SLCO1B1: variants seen among roughly 807,000 people sequenced by gnomAD.
The protein encoded by SLCO1B1 is solute carrier organic anion transporter family member 1B1, also known as OATP-2.
In SLCO1B1, 81 loss-of-function variants were observed where a neutral mutation model predicts 70.1. The ratio of observed to expected loss-of-function variants is 1.16; its 90% confidence interval spans 0.97 to 1.39. The LOEUF (loss-of-function observed/expected upper bound fraction) is 1.39, where lower values mean the gene tolerates loss of function less well. Among genes scored for constraint, SLCO1B1 ranks in the 40% most tolerant of loss-of-function variants. SLCO1B1 has a pLI of 0.00. For synonymous variants in SLCO1B1, 283 were observed against 271.5 expected, an observed-to-expected ratio of 1.04 and a Z score of -0.42; for missense variants, 895 against 799.6, an observed-to-expected ratio of 1.12 and a Z score of -1.44.
intron 8 of SLCO1B1, 128 bp downstream of exon 8, chr12:21,197,316 T>A (rs1941105799): frequency 7.5e-6 from 7 of 931,198 alleles, no homozygotes; most frequent in Non-Finnish European, 1.1e-5. Context: ...TAAATTTAGA[T>A]AAATTATTTT....
At chr12:21,145,359 G>C (rs1940366379) in intron 2 of SLCO1B1, among the ~76,000 whole-genome samples, 1 of 151,860 alleles carries the variant, frequency 6.6e-6, no homozygotes, top group African/African-American at 2.4e-5. Context: ...AGGCTGGAGT[G>C]CAGTGGCATA....
chr12:21,172,529 T>G, intron 2 of SLCO1B1, 121 bp from the exon 3 acceptor site: 3 of 1,158,808 alleles, frequency 2.6e-6, no homozygotes, highest in Non-Finnish European at 3.8e-6. Context: ...CTAAGTATGG[T>G]TTTTAAGATA....
At position 21,224,718 on chromosome 12, in the gene SLCO1B1, A is replaced by G; in HGVS notation, c.1748-4A>G. 6.5e-7 allele frequency: 1 copy of G among 1,540,602 alleles called. No individual in the cohort carries two copies. On this transcript the variant is annotated splice_polypyrimidine_tract_variant and splice_region_variant and intron_variant, in intron 13 of 14. Transcript: ENST00000256958. ...AACTGACATCTTCTCTTCTCCTATT[A>G]CAGGAGGAATTCTAGCTCCAATATA...
At chr12:21,154,057 C>A (rs1407403283) in intron 2 of SLCO1B1, among the ~76,000 whole-genome samples, 2 of 151,202 alleles carry the variant, frequency 1.3e-5, no homozygotes, top group Admixed American at 6.6e-5. Flanking sequence ...GTTAGACTTG[C>A]TTTTACTATC....
chr12:21,159,799 A>G (rs1762741217), intron 2 of SLCO1B1, among the ~76,000 whole-genome samples: 3 of 152,154 alleles, frequency 2.0e-5, no homozygotes, highest in African/African-American at 7.2e-5. Context: ...ATCAATGTAC[A>G]AAAATCAGTA....
intron 14 of SLCO1B1, among the ~76,000 whole-genome samples, chr12:21,226,444 A>C (rs1423029258): frequency 1.3e-5 from 2 of 152,028 alleles, no homozygotes; most frequent in Non-Finnish European, 2.9e-5. Flanking sequence ...CATTAAAAAA[A>C]ATTAAAGAAG....
rs1403323095 is a variant in SLCO1B1, at chr12:21,210,495, A to G, written c.1497+4462A>G. Among the ~76,000 whole-genome samples, 4 of 77,878 alleles carry G rather than the reference A, an allele frequency of 5.1e-5. 1 individual carries two copies. The highest frequency in any genetic ancestry group is 7.3e-5 in the Non-Finnish European group (3 of 41,016). 51.1% of individuals were successfully genotyped at this position (77,878 alleles called of 152,430 possible). A position where few individuals can be genotyped will look rare whatever the true frequency, so the allele number is the denominator to read the frequency against. On this transcript the variant is annotated intron_variant, in intron 11 of 14. Transcript: ENST00000256958. The stretch of plus-strand genomic sequence containing the variant: ...GTATAGTTTGAAGTCAGGTAGTGTG[A>G]TGATGCCTCCAGCTTTGTTCTTTTG...
intron 11 of SLCO1B1, among the ~76,000 whole-genome samples, chr12:21,209,207 C>A (rs528419705): frequency 6.6e-5 from 10 of 151,812 alleles, no homozygotes; most frequent in East Asian, 5.8e-4. Context: ...ATCCCTCCCC[C>A]CTCCTCCCAC....
At position 21,152,704 on chromosome 12, in the gene SLCO1B1, G is replaced by T. The variant is rs143430404; in HGVS notation, c.84+11046G>T. 7.3e-5 allele frequency among the ~76,000 whole-genome samples: 11 copies of T among 151,496 alleles called. No individual in the cohort carries two copies. The South Asian group carries it at 2.3e-3, about 32-fold the overall frequency. On this transcript the variant is annotated intron_variant, in intron 2 of 14. Coordinates refer to ENST00000256958, the MANE Select transcript of SLCO1B1 (RefSeq NM_006446.5). ...GGAGCTGGGTATTTCCTTTCCCTTC[G>T]GTCAGTTAGGCTCTAATAACACACC...
chr12:21,142,187 A>C (rs1337840591), intron 2 of SLCO1B1, among the ~76,000 whole-genome samples: 2 of 151,860 alleles, frequency 1.3e-5, no homozygotes, highest in African/African-American at 4.8e-5. Flanking sequence ...CGATTTAGAA[A>C]AGCCATTTAA....
At chr12:21,152,870 A>G (rs1051897438) in intron 2 of SLCO1B1, among the ~76,000 whole-genome samples, 1 of 152,074 alleles carries the variant, frequency 6.6e-6, no homozygotes, top group Non-Finnish European at 1.5e-5. Context: ...TTTCTCCAAC[A>G]TTTACTATAA....
chr12:21,231,374 T>G (rs1941535334), intron 14 of SLCO1B1, among the ~76,000 whole-genome samples: 1 of 151,956 alleles, frequency 6.6e-6, no homozygotes, highest in Non-Finnish European at 1.5e-5. Flanking sequence ...AAATATGGAT[T>G]CATTTTTAGA....
At chr12:21,213,346 A>T (rs1025876327) in intron 11 of SLCO1B1, among the ~76,000 whole-genome samples, 5 of 151,828 alleles carry the variant, frequency 3.3e-5, no homozygotes, top group African/African-American at 7.3e-5. Flanking sequence ...CTGGATATGA[A>T]ATTCTGGGTT....
At chr12:21,135,890 G>A (rs12371160) in intron 1 of SLCO1B1, among the ~76,000 whole-genome samples, 19,762 of 152,142 alleles carry the variant, frequency 0.13, 1,763 homozygotes, top group Middle Eastern at 0.23. Flanking sequence ...ATGTTAGCTG[G>A]TTATTTTGCT....
intron 12 of SLCO1B1, among the ~76,000 whole-genome samples, chr12:21,219,813 T>G (rs191320772): frequency 6.7e-6 from 1 of 148,164 alleles, no homozygotes; most frequent in East Asian, 2.1e-4. Context: ...CAGGCTGGAG[T>G]GCAGTAGCAC....
At chr12:21,151,019 T>C (rs1354960675) in intron 2 of SLCO1B1, among the ~76,000 whole-genome samples, 2 of 152,216 alleles carry the variant, frequency 1.3e-5, no homozygotes, top group Admixed American at 6.5e-5. Flanking sequence ...AATTTTGTCA[T>C]TGTGCAAACA....
intron 1 of SLCO1B1, among the ~76,000 whole-genome samples, chr12:21,136,841 A>G (rs1453919134): frequency 6.6e-6 from 1 of 152,182 alleles, no homozygotes; most frequent in Non-Finnish European, 1.5e-5. Context: ...TGTCAAAGTC[A>G]TTCTCCATCC....
chr12:21,221,000 T>C (rs113403679), intron 12 of SLCO1B1, among the ~76,000 whole-genome samples: 1 of 152,088 alleles, frequency 6.6e-6, no homozygotes, highest in African/African-American at 2.4e-5. Context: ...ATAAATGTGA[T>C]TTGCCACATA....
At chr12:21,198,466 T>C (rs144271578) in intron 8 of SLCO1B1, among the ~76,000 whole-genome samples, 6 of 152,214 alleles carry the variant, frequency 3.9e-5, no homozygotes, top group African/African-American at 1.2e-4. Flanking sequence ...TAGTAGATTG[T>C]CTAAACCTAT....
Sources: allele counts gnomAD v4.1 joint callset (sites outside exome capture counted in the v4.1 genomes callset), GRCh38; gene constraint gnomAD v4.1.1; transcripts MANE v1.5; gene names NCBI Gene and HGNC (gene_info 2026-07-23, HGNC 2026-07-21).